Variants in KIAA1217 observed in about 807,000 individuals in gnomAD.
KIAA1217 encodes KIAA1217.
In KIAA1217, 88 loss-of-function variants were observed where a neutral mutation model predicts 163.9. The observed-to-expected ratio is 0.54, with a 90% CI of 0.45 to 0.64. The LOEUF (loss-of-function observed/expected upper bound fraction) is 0.64. KIAA1217 is among the 30% of genes least tolerant of loss of function. The pLI, the probability that KIAA1217 is intolerant of heterozygous loss-of-function variation, is 0.00. For synonymous variants in KIAA1217, 903 were observed against 923.1 expected (o/e 0.98, Z 0.39); for missense variants, 2,372 against 2,475.0 (o/e 0.96, Z 0.88).
chr10:24,497,142 T>TA (rs1272677928), intron 8 of KIAA1217, among the ~76,000 whole-genome samples: 1 of 152,196 alleles, frequency 6.6e-6, no homozygotes, highest in African/African-American at 2.4e-5. Context: ...GGAAGTCAGC[T>TA]ACAAGACAAG....
At chr10:24,012,243 TC>T (rs1308251475) in intron 2 of KIAA1217, among the ~76,000 whole-genome samples, 1 of 152,070 alleles carries the variant, frequency 6.6e-6, no homozygotes, top group Non-Finnish European at 1.5e-5. Flanking sequence ...GGTTTTAAAC[TC>T]CCATTGAAAT....
At chr10:23,917,702 C>A (rs1842684126) in intron 1 of KIAA1217, among the ~76,000 whole-genome samples, 1 of 152,136 alleles carries the variant, frequency 6.6e-6, no homozygotes, top group Admixed American at 6.5e-5. Context: ...CAGGGCTCTC[C>A]CCAGCTGTCC....
intron 1 of KIAA1217, among the ~76,000 whole-genome samples, chr10:23,793,672 A>T (rs577318083): frequency 8.8e-4 from 134 of 152,270 alleles, no homozygotes; most frequent in African/African-American, 3.1e-3. Context: ...TTTCATATAA[A>T]ATGTCCACAC....
intron 2 of KIAA1217, among the ~76,000 whole-genome samples, chr10:24,239,599 A>G (rs2072779393): frequency 1.3e-5 from 2 of 151,786 alleles, no homozygotes; most frequent in Non-Finnish European, 2.9e-5. Context: ...TACTGCTATA[A>G]AAGTGCCACA....
intron 1 of KIAA1217, among the ~76,000 whole-genome samples, chr10:23,949,317 G>A (rs1844217918): frequency 6.6e-6 from 1 of 152,158 alleles, no homozygotes; most frequent in African/African-American, 2.4e-5. Flanking sequence ...GGGAAACTCG[G>A]ATGAGATTTT....
At chr10:24,185,751 C>T (rs768605268) in intron 2 of KIAA1217, among the ~76,000 whole-genome samples, 21 of 151,916 alleles carry the variant, frequency 1.4e-4, no homozygotes, top group Non-Finnish European at 1.8e-4. Flanking sequence ...GCTGAGATGG[C>T]GCCACTGCAC....
intron 6 of KIAA1217, among the ~76,000 whole-genome samples, chr10:24,491,086 G>A (rs2066055457): frequency 6.6e-6 from 1 of 152,082 alleles, no homozygotes; most frequent in South Asian, 2.1e-4. Flanking sequence ...TACCTGGTGG[G>A]AGCTCAGGGT....
chr10:23,870,008 A>G lies in KIAA1217; in HGVS notation c.-320-137217A>G, dbSNP rs1840383859. On this transcript the variant is annotated intron_variant, in intron 1 of 18. Coordinates refer to the KIAA1217 transcript ENST00000376462. ...AGCAACGTTAAGCCCAATTTTTCAT[A>G]AATATATTTTTGGTTCAGAGTACAT... Among the ~76,000 whole-genome samples, 3 of 152,284 alleles carry G rather than the reference A, an allele frequency of 2.0e-5. No homozygotes were observed. In the South Asian group the frequency reaches 6.2e-4, roughly 32 times the overall value.
intron 1 of KIAA1217, among the ~76,000 whole-genome samples, chr10:23,973,388 G>T (rs979859298): frequency 3.3e-5 from 5 of 152,196 alleles, no homozygotes; most frequent in South Asian, 2.1e-4. Context: ...ACTGAGACTA[G>T]AAAGATTAAG....
intron 1 of KIAA1217, among the ~76,000 whole-genome samples, chr10:23,919,936 G>T (rs1842791935): frequency 6.6e-6 from 1 of 152,034 alleles, no homozygotes. Context: ...TGACATCTCA[G>T]ACACAATTTT....
intron 1 of KIAA1217, among the ~76,000 whole-genome samples, chr10:23,837,729 TG>T (rs1383030794): frequency 6.6e-6 from 1 of 152,058 alleles, no homozygotes; most frequent in East Asian, 1.9e-4. Context: ...TTTTTAGAGA[TG>T]GGGTCTCACT....
intron 2 of KIAA1217, among the ~76,000 whole-genome samples, chr10:24,056,901 T>C (rs997796507): frequency 1.3e-5 from 2 of 152,148 alleles, no homozygotes; most frequent in African/African-American, 4.8e-5. Flanking sequence ...AAAAATGTAA[T>C]AATTAAAGGT....
intron 1 of KIAA1217, among the ~76,000 whole-genome samples, chr10:23,880,817 G>C (rs1447545922): frequency 2.0e-5 from 3 of 151,212 alleles, no homozygotes; most frequent in Admixed American, 6.6e-5. Flanking sequence ...GGGAAACATA[G>C]AATTGATGGA....
chr10:24,476,515 A>T (rs1273628356), intron 6 of KIAA1217, among the ~76,000 whole-genome samples: 1 of 152,220 alleles, frequency 6.6e-6, no homozygotes, highest in Non-Finnish European at 1.5e-5. Context: ...AATCCAAATT[A>T]TTCTATTTCC....
chr10:23,787,106 C>A (rs548425996), intron 1 of KIAA1217, among the ~76,000 whole-genome samples: 2 of 152,052 alleles, frequency 1.3e-5, no homozygotes, highest in African/African-American at 4.8e-5. Context: ...AGTAAAAATG[C>A]GAGTTTAATA....
chr10:24,270,262 T>G (rs79103119), intron 2 of KIAA1217, among the ~76,000 whole-genome samples: 1,679 of 152,370 alleles, frequency 0.011, 16 homozygotes, highest in Non-Finnish European at 0.016. Flanking sequence ...GTCAGTTTGG[T>G]CACTGAACAC....
intron 2 of KIAA1217, among the ~76,000 whole-genome samples, chr10:24,131,588 G>C (rs1411662397): frequency 6.6e-6 from 1 of 152,130 alleles, no homozygotes; most frequent in African/African-American, 2.4e-5. Flanking sequence ...TATGCCCGCT[G>C]TACATCTTTA....
intron 1 of KIAA1217, among the ~76,000 whole-genome samples, chr10:23,907,875 A>G (rs1015704636): frequency 6.6e-6 from 1 of 152,120 alleles, no homozygotes; most frequent in African/African-American, 2.4e-5. Context: ...TGGGGAAAAA[A>G]CAATGAACAA....
chr10:24,228,064 C>T (rs1400219187), intron 2 of KIAA1217, among the ~76,000 whole-genome samples: 1 of 151,936 alleles, frequency 6.6e-6, no homozygotes, highest in African/African-American at 2.4e-5. Context: ...CACTTAAGTA[C>T]AGGAATTTGA....
Sources: allele counts gnomAD v4.1 joint callset (sites outside exome capture counted in the v4.1 genomes callset), GRCh38; gene constraint gnomAD v4.1.1; transcripts MANE v1.5; gene names NCBI Gene and HGNC (gene_info 2026-07-23, HGNC 2026-07-21).